The following PPP1R9B variants were observed in gnomAD, a reference collection of about 807,000 sequenced individuals.
The protein encoded by PPP1R9B is protein phosphatase 1 regulatory subunit 9B, also known as neurabin-2.
Under a neutral mutation model 75.8 loss-of-function variants are expected in PPP1R9B, and 17 were observed. The ratio of observed to expected loss-of-function variants is 0.22; its 90% CI spans 0.15 to 0.34. PPP1R9B has a LOEUF of 0.34. Among genes scored for constraint, PPP1R9B ranks in the 10% least tolerant of loss-of-function variants. The pLI, the probability that PPP1R9B is intolerant of heterozygous loss-of-function variation, is 1.00. For synonymous variants in PPP1R9B, 509 were observed against 535.4 expected (o/e 0.95, Z 0.68); for missense variants, 875 against 1,196.0 (o/e 0.73, Z 3.96).
In PPP1R9B at chr17:50,149,497, G is replaced by C; in HGVS notation, c.1017C>G (p.Ala339=). 6.3e-7 allele frequency: 1 copy of C among 1,597,226 alleles called. No individual in the cohort carries two copies. The highest frequency in any genetic ancestry group is 8.5e-7 in the Non-Finnish European group (1 of 1,173,314). Reference sequence around the variant, plus strand: ...CCTTTGGCTCCTCGGGCGCGGGGCTGGCTGCAGTTGCCACGGTGCTGCCAT... The same window carrying C: ...CCTTTGGCTCCTCGGGCGCGGGGCTCGCTGCAGTTGCCACGGTGCTGCCAT... ...LENGSTVATA[A]SPAPEEPKAQ... The change falls in exon 1 of 10, where the codon GCC becomes GCG. Residue 339 remains alanine, a synonymous_variant. Coordinates refer to ENST00000612501, the MANE Select transcript of PPP1R9B (RefSeq NM_032595.5). The surrounding 1 kb of genome is among the most constrained non-coding windows in gnomAD (Gnocchi z 7.2).
At position 50,150,027 on chromosome 17, in the gene PPP1R9B, T is replaced by G. The variant is rs766984270; in HGVS notation, c.487A>C (p.Lys163Gln). ...RSAPAAAGGD[K>Q]EAAARRLLRQ... The stretch of plus-strand genomic sequence containing the variant: ...AGCAGCCGCCGCGCCGCGGCCTCCT[T>G]GTCGCCGCCTGCGGCCGCTGGGGCG... Residue 163 changes from lysine (K) to glutamine (Q), a missense_variant, in exon 1 of 10, where the codon AAG (lysine) becomes CAG (glutamine). Transcript: ENST00000612501. This position sits in a 1 kb window ranked among gnomAD's most constrained non-coding sequence, Gnocchi z 8.7. 8.1e-6 allele frequency: 12 copies of G among 1,474,328 alleles called. No individual in the cohort carries two copies. The highest frequency in any genetic ancestry group is 8.9e-7 in the Non-Finnish European group (1 of 1,122,412). The allele number at this position is 1,474,328 out of a possible 1,614,324, so 91.3% of individuals were successfully genotyped here. A position where few individuals can be genotyped will look rare whatever the true frequency, so the allele number is the denominator to read the frequency against.
Position 50,145,577 on chromosome 17 carries a change from G to T in PPP1R9B, c.1372-332C>A, listed in dbSNP as rs187208954. On this transcript the variant is annotated intron_variant, in intron 1 of 9. Transcript: ENST00000612501. ...TCCAACTCAGGAACCCAGACACCCAGATAGAGGGAAAGTGAGAGATAGGAC... is the reference window on the plus strand; with the variant it reads ...TCCAACTCAGGAACCCAGACACCCATATAGAGGGAAAGTGAGAGATAGGAC... Among the ~76,000 whole-genome samples, 591 of 152,296 alleles carry T rather than the reference G, an allele frequency of 3.9e-3. 3 individuals are homozygous for T. The highest frequency in any genetic ancestry group is 6.2e-3 in the Non-Finnish European group (422 of 68,028).
intron 7 of PPP1R9B, among the ~76,000 whole-genome samples, chr17:50,138,852 T>C (rs1348803919): frequency 6.6e-6 from 1 of 152,236 alleles, no homozygotes; most frequent in Non-Finnish European, 1.5e-5. Context: ...CTCTAACTCC[T>C]GGCTGAAGCA....
rs758065771 is a variant in PPP1R9B, at chr17:50,149,242, G to T, written c.1272C>A (p.Pro424=). ...CCACGCACCCCGACTCGGGCTCGTAGGGGGGCTCCCCATCCTCCTCGTCGT... is the reference window on the plus strand; with the variant it reads ...CCACGCACCCCGACTCGGGCTCGTATGGGGGCTCCCCATCCTCCTCGTCGT... ...DEDDEEDGEP[P]YEPESGCVEI... is the part of the protein sequence containing the mutation. The change falls in exon 1 of 10, where the codon CCC becomes CCA. Residue 424 remains proline, a synonymous_variant. Transcript: ENST00000612501. The surrounding 1 kb of genome is among the most constrained non-coding windows in gnomAD (Gnocchi z 7.2). The T allele has an allele frequency of 6.2e-7, 1 of 1,610,656 alleles. No individual in the cohort carries two copies. The highest frequency in any genetic ancestry group is 1.1e-5 in the South Asian group (1 of 90,778).
chr17:50,141,163 G>C (rs1912365183), intron 4 of PPP1R9B, 106 bp downstream of exon 4: 1 of 739,686 alleles, frequency 1.4e-6, no homozygotes, highest in Non-Finnish European at 2.3e-6. Context: ...CAGAACCTCT[G>C]TGAGCTGGGC....
Position 50,140,130 on chromosome 17 carries a change from T to G in PPP1R9B, c.1829A>C (p.Glu610Ala), listed in dbSNP as rs781550890. The G allele has an allele frequency of 1.2e-6, 2 of 1,613,422 alleles. No individual in the cohort carries two copies. Among genetic ancestry groups the G allele is most frequent in the Non-Finnish European group, 1.7e-6 (2 of 1,179,696 alleles). ...CTCCCCATACTGGGCGTATCTCTGC[T>G]CCATCATCTCCCGCTGCCATCGCTC... ...EQERWQREMM[E>A]QRYAQYGEDD... The change falls in exon 5 of 10, where the codon GAG becomes GCG. Residue 610 changes from glutamate (E) to alanine (A), a missense_variant. Around this residue, in one of 4 missense-constraint regions of PPP1R9B, gnomAD observed 218 missense variants for 334.6 expected, o/e 0.65. Coordinates refer to ENST00000612501, the MANE Select transcript of PPP1R9B (RefSeq NM_032595.5).
In PPP1R9B at chr17:50,150,638, C is replaced by A; in HGVS notation, c.-125G>T. On this transcript the variant is annotated 5_prime_UTR_variant, in exon 1 of 10. Coordinates refer to ENST00000612501, the MANE Select transcript of PPP1R9B (RefSeq NM_032595.5). This position sits in a 1 kb window ranked among gnomAD's most constrained non-coding sequence, Gnocchi z 8.7. The stretch of plus-strand genomic sequence containing the variant: ...AAACCCCGAAGGCCTTTTTTAGGGT[C>A]CCCCCAAAACCAAGCTGCCAAAAAC... 1 of 959,070 alleles carries A rather than the reference C, an allele frequency of 1.0e-6. No individual in the cohort carries two copies. Among genetic ancestry groups the A allele is most frequent in the Non-Finnish European group, 1.4e-6 (1 of 739,626 alleles). 59.4% of individuals were successfully genotyped at this position (959,070 alleles called of 1,614,324 possible). A position where few individuals can be genotyped will look rare whatever the true frequency, so the allele number is the denominator to read the frequency against.
At chr17:50,148,148 C>G (rs909369236) in intron 1 of PPP1R9B, among the ~76,000 whole-genome samples, 1 of 152,086 alleles carries the variant, frequency 6.6e-6, no homozygotes, top group Non-Finnish European at 1.5e-5. Flanking sequence ...GTTTTTGATT[C>G]CCCCCAGGGG....
At chr17:50,140,337 G>C (rs1912342409) in intron 4 of PPP1R9B, 109 bp from the exon 5 acceptor site, 1 of 1,370,938 alleles carries the variant, frequency 7.3e-7, no homozygotes, top group Non-Finnish European at 9.8e-7. Context: ...GGGGAGGAGA[G>C]ATGAGAGGGC....
At chr17:50,135,462 C>T (rs1912200257) in intron 9 of PPP1R9B, 78 bp from the exon 10 acceptor site, 1 of 1,572,846 alleles carries the variant, frequency 6.4e-7, no homozygotes, top group African/African-American at 1.4e-5. Context: ...CCGGTGAGGA[C>T]ATGGCATCCC....
In PPP1R9B at chr17:50,150,001, C is replaced by T. The variant is rs367543200; in HGVS notation, c.513G>A (p.Leu171=). 5 of 1,491,910 alleles carry T rather than the reference C, an allele frequency of 3.4e-6. No individual in the cohort carries two copies. Among genetic ancestry groups the T allele is most frequent in the Non-Finnish European group, 4.4e-6 (5 of 1,130,880 alleles). 92.4% of individuals were successfully genotyped at this position (1,491,910 alleles called of 1,614,324 possible). A position where few individuals can be genotyped will look rare whatever the true frequency, so the allele number is the denominator to read the frequency against. Residue 171 remains leucine, a synonymous_variant, in exon 1 of 10, where the codon CTG becomes CTA. Transcript: ENST00000612501. The surrounding 1 kb of genome is among the most constrained non-coding windows in gnomAD (Gnocchi z 8.7). ...GDKEAAARRL[L]RQERAGLQDR... ...CCTGCAGGCCGGCGCGCTCCTGCCT[C>T]AGCAGCCGCCGCGCCGCGGCCTCCT...
At chr17:50,141,072 T>A (rs1912363249) in intron 4 of PPP1R9B, among the ~76,000 whole-genome samples, 197 bp downstream of exon 4, 1 of 152,066 alleles carries the variant, frequency 6.6e-6, no homozygotes, top group African/African-American at 2.4e-5. Context: ...GGTGGCCAGC[T>A]GTTGCCAGGG....
intron 4 of PPP1R9B, 135 bp downstream of exon 4, chr17:50,141,134 C>A: frequency 1.6e-6 from 1 of 615,810 alleles, no homozygotes; most frequent in Non-Finnish European, 2.8e-6. Flanking sequence ...CACAGCAACT[C>A]CTGCAGCCAA....
At position 50,139,970 on chromosome 17, in the gene PPP1R9B, G is replaced by T; in HGVS notation, c.1866+123C>A. On this transcript the variant is annotated intron_variant, in intron 5 of 9. Coordinates refer to ENST00000612501, the MANE Select transcript of PPP1R9B (RefSeq NM_032595.5). The surrounding 1 kb of genome is among the most constrained non-coding windows in gnomAD (Gnocchi z 5.0). ...TCTGAAGACAAAGAGTGTGACTGGAGGACAGGGAATGGCACTGTGGGCTTT... is the reference window on the plus strand; with the variant it reads ...TCTGAAGACAAAGAGTGTGACTGGATGACAGGGAATGGCACTGTGGGCTTT... The T allele has an allele frequency of 1.9e-6, 2 of 1,069,744 alleles. No individual in the cohort carries two copies. Among genetic ancestry groups the T allele is most frequent in the African/African-American group, 1.6e-5 (1 of 63,232 alleles). The allele number at this position is 1,069,744 out of a possible 1,614,324, so 66.3% of individuals were successfully genotyped here. A position where few individuals can be genotyped will look rare whatever the true frequency, so the allele number is the denominator to read the frequency against.
Position 50,145,093 on chromosome 17 carries a change from G to A in PPP1R9B, c.1504+20C>T, listed in dbSNP as rs369582650. The A allele has an allele frequency of 2.2e-4, 360 of 1,612,706 alleles. 1 individual carries two copies. The highest frequency in any genetic ancestry group is 2.7e-4 in the African/African-American group (20 of 74,914). On this transcript the variant is annotated intron_variant, in intron 2 of 9. Coordinates refer to ENST00000612501, the MANE Select transcript of PPP1R9B (RefSeq NM_032595.5). ...TCAACCCCAGCTGTGCGCAAGTGACGTGGCCTCCTGGCCTCTCACCCTTCT... is the reference window on the plus strand; with the variant it reads ...TCAACCCCAGCTGTGCGCAAGTGACATGGCCTCCTGGCCTCTCACCCTTCT...
rs1357887157 is a variant in PPP1R9B at position 50,136,206 on chromosome 17, G to A, written c.2074-9C>T. Reference sequence around the variant, plus strand: ...TGCTCCAGGCTCTGCAGCTGAGAGAGAAAGGCACGGCCCTGGGTTGGTGGG... The same window carrying A: ...TGCTCCAGGCTCTGCAGCTGAGAGAAAAAGGCACGGCCCTGGGTTGGTGGG... On this transcript the variant is annotated splice_polypyrimidine_tract_variant and intron_variant, in intron 7 of 9. Coordinates refer to ENST00000612501, the MANE Select transcript of PPP1R9B (RefSeq NM_032595.5). The A allele has an allele frequency of 6.3e-7, 1 of 1,598,064 alleles. No homozygotes were observed. The highest frequency in any genetic ancestry group is 1.3e-5 in the African/African-American group (1 of 75,000).
Position 50,149,827 on chromosome 17 carries a change from C to A in PPP1R9B, c.687G>T (p.Gly229=). 1 of 1,458,210 alleles carries A rather than the reference C, an allele frequency of 6.9e-7. No homozygotes were observed. Among genetic ancestry groups the A allele is most frequent in the South Asian group, 1.3e-5 (1 of 74,348 alleles). The allele number at this position is 1,458,210 out of a possible 1,614,324, so 90.3% of individuals were successfully genotyped here. A position where few individuals can be genotyped will look rare whatever the true frequency, so the allele number is the denominator to read the frequency against. ...DSRTGLHRGP[G]LPRAAGVPQV... ...GGGGAACCCCTGCGGCCCTGGGGAG[C>A]CCGGGCCCGCGGTGGAGGCCGGTCC... Residue 229 remains glycine, a synonymous_variant, in exon 1 of 10, where the codon GGG becomes GGT. Coordinates refer to ENST00000612501, the MANE Select transcript of PPP1R9B (RefSeq NM_032595.5). The surrounding 1 kb of genome is among the most constrained non-coding windows in gnomAD (Gnocchi z 7.2).
chr17:50,137,699 A>G (rs1286986650), intron 7 of PPP1R9B, among the ~76,000 whole-genome samples: 2 of 152,138 alleles, frequency 1.3e-5, no homozygotes, highest in African/African-American at 4.8e-5. Flanking sequence ...CAATGGCCAC[A>G]TACCCCATGC....
At chr17:50,138,526 A>G (rs1197177611) in intron 7 of PPP1R9B, among the ~76,000 whole-genome samples, 1 of 152,090 alleles carries the variant, frequency 6.6e-6, no homozygotes, top group Non-Finnish European at 1.5e-5. Context: ...GTACTTATCA[A>G]TGGGCCTATA....
Sources: gnomAD v4.1 joint callset for allele counts (sites outside exome capture counted in the v4.1 genomes callset) on GRCh38, gnomAD v4.1.1 for gene constraint, gnomAD v4.1.1 regional missense constraint, Gnocchi (gnomAD v3.1) non-coding constraint, MANE v1.5 for transcripts, NCBI Gene and HGNC (gene_info 2026-07-23, HGNC 2026-07-21) for gene names.